The following TNRC6C variants were observed in gnomAD, a reference collection of about 807,000 sequenced individuals.
TNRC6C encodes trinucleotide repeat-containing gene 6C protein.
A neutral mutation model predicts 153.7 loss-of-function variants in TNRC6C; 20 were observed. That is an observed-to-expected ratio of 0.13 (90% CI 0.09 to 0.19). The LOEUF (loss-of-function observed/expected upper bound fraction) is 0.19, where lower values mean the gene tolerates loss of function less well. TNRC6C is among the 10% of genes least tolerant of loss of function. TNRC6C has a pLI of 1.00. For missense variants in TNRC6C, 1,987 were observed against 2,172.0 expected (o/e 0.91, Z 1.69); for synonymous variants, 811 against 841.4 (o/e 0.96, Z 0.63).
chr17:78,011,195 T>C (rs1567913667), intron 1 of TNRC6C, among the ~76,000 whole-genome samples: 1 of 152,224 alleles, frequency 6.6e-6, no homozygotes, highest in Non-Finnish European at 1.5e-5. Context: ...ACAACTTTAT[T>C]GAGTTATTGT....
At chr17:78,055,255 C>A (rs913215761) in intron 3 of TNRC6C, among the ~76,000 whole-genome samples, 4 of 152,118 alleles carry the variant, frequency 2.6e-5, no homozygotes, top group Non-Finnish European at 5.9e-5. Flanking sequence ...AACTAAGACA[C>A]AAACGCACAC....
exon 3 of TNRC6C, chr17:78,050,795 A>C (rs1374316475): frequency 5.6e-6 from 9 of 1,610,970 alleles, no homozygotes; most frequent in Non-Finnish European, 7.6e-6. Context: ...CCAAAGCCCA[A>C]ATCCCAACAC....
At chr17:78,059,569 C>G (rs528067063) in intron 3 of TNRC6C, among the ~76,000 whole-genome samples, 1 of 152,120 alleles carries the variant, frequency 6.6e-6, no homozygotes, top group South Asian at 2.1e-4. Flanking sequence ...AGTGTGAGGC[C>G]GGACACAGTG....
At chr17:77,982,776 A>T (rs531582887) in intron 1 of TNRC6C, among the ~76,000 whole-genome samples, 2 of 152,346 alleles carry the variant, frequency 1.3e-5, no homozygotes, top group South Asian at 4.2e-4. Flanking sequence ...GGTTGCAGTG[A>T]GCCGAGATTG....
chr17:78,009,507 A>G (rs1351598845), intron 1 of TNRC6C, among the ~76,000 whole-genome samples: 1 of 152,184 alleles, frequency 6.6e-6, no homozygotes, highest in Non-Finnish European at 1.5e-5. Flanking sequence ...TATGAAAGTG[A>G]ATACCTTCAT....
intron 7 of TNRC6C, among the ~76,000 whole-genome samples, 194 bp downstream of exon 9, chr17:78,073,288 A>C (rs2073029521): frequency 6.6e-6 from 1 of 152,240 alleles, no homozygotes; most frequent in African/African-American, 2.4e-5. Context: ...TTTGGAGGTG[A>C]ATCGCCAATG....
chr17:78,050,632 G>A (rs748798503), exon 3 of TNRC6C: 4 of 1,571,486 alleles, frequency 2.5e-6, no homozygotes, highest in Admixed American at 1.8e-5. Flanking sequence ...CACAGGTTGG[G>A]GAGACAGCAA....
intron 8 of TNRC6C, among the ~76,000 whole-genome samples, chr17:78,076,351 G>A (rs2144355660): frequency 6.6e-6 from 1 of 152,312 alleles, no homozygotes; most frequent in Non-Finnish European, 1.5e-5. Flanking sequence ...AGCCCAGGGT[G>A]AGGCTCACGT....
intron 1 of TNRC6C, among the ~76,000 whole-genome samples, chr17:78,029,713 G>C (rs1253361459): frequency 6.6e-6 from 1 of 151,936 alleles, no homozygotes; most frequent in Non-Finnish European, 1.5e-5. Flanking sequence ...TTGCACAGCT[G>C]TACAAAAAAT....
chr17:78,099,466 T>C (rs941246262), intron 17 of TNRC6C, among the ~76,000 whole-genome samples: 13 of 152,182 alleles, frequency 8.5e-5, no homozygotes, highest in South Asian at 2.1e-4. Context: ...GTGAAAGGCA[T>C]GTCTCACATG....
At chr17:78,037,964 TG>T (rs2072212340) in intron 2 of TNRC6C, among the ~76,000 whole-genome samples, 1 of 152,110 alleles carries the variant, frequency 6.6e-6, no homozygotes, top group Non-Finnish European at 1.5e-5. Flanking sequence ...CCAGGAACTA[TG>T]ATATAAAGAG....
intron 2 of TNRC6C, among the ~76,000 whole-genome samples, chr17:78,033,937 A>G (rs2072126532): frequency 6.6e-6 from 1 of 152,156 alleles, no homozygotes; most frequent in Non-Finnish European, 1.5e-5. Flanking sequence ...TCCCCTCACA[A>G]ACCTGCCGTG....
At chr17:78,036,298 A>T (rs551010538) in intron 2 of TNRC6C, among the ~76,000 whole-genome samples, 1 of 152,286 alleles carries the variant, frequency 6.6e-6, no homozygotes, top group African/African-American at 2.4e-5. Flanking sequence ...GAATTGACGG[A>T]GTTTGAGTCA....
At chr17:78,090,841 G>A (rs930728156) in intron 13 of TNRC6C, among the ~76,000 whole-genome samples, 1 of 152,176 alleles carries the variant, frequency 6.6e-6, no homozygotes, top group Non-Finnish European at 1.5e-5. Context: ...GCAGACTTTT[G>A]TAAAGGAAAC....
chr17:77,967,872 C>T (rs757109431), intron 1 of TNRC6C, among the ~76,000 whole-genome samples: 1 of 152,114 alleles, frequency 6.6e-6, no homozygotes, highest in Admixed American at 6.5e-5. Context: ...ACTTATATCC[C>T]GCCCTCCTTT....
chr17:78,077,816 T>C, intron 9 of TNRC6C: 1 of 171,736 alleles, frequency 5.8e-6, no homozygotes, highest in Admixed American at 5.8e-5. Flanking sequence ...TTTCCAGGCT[T>C]CAAAAGTCTG....
At chr17:78,022,414 T>A (rs776736912) in intron 1 of TNRC6C, among the ~76,000 whole-genome samples, 3 of 152,250 alleles carry the variant, frequency 2.0e-5, no homozygotes, top group Non-Finnish European at 4.4e-5. Context: ...TTTGCTTACT[T>A]CTTCCTTTCT....
rs1046598635 is a variant in TNRC6C at position 78,055,706 on chromosome 17, G to T, written c.2395+4249G>T. ...CCTGGAAGAGTTCAGGCTACAGAGG[G>T]CCCTATGCCTGGCACTGGAGTCGTG... On this transcript the variant is annotated intron_variant, in intron 3 of 19. Transcript: ENST00000301624. 1.5e-4 allele frequency among the ~76,000 whole-genome samples: 23 copies of T among 152,306 alleles called. No homozygotes were observed. The East Asian group carries it at 3.3e-3, about 22-fold the overall frequency.
chr17:78,074,753 C>G (rs564608342), intron 7 of TNRC6C, among the ~76,000 whole-genome samples: 2 of 152,200 alleles, frequency 1.3e-5, no homozygotes, highest in Non-Finnish European at 2.9e-5. Context: ...AACCACTGAG[C>G]CCACCCGAAA....
Sources: gnomAD v4.1 joint callset for allele counts (sites outside exome capture counted in the v4.1 genomes callset) on GRCh38, gnomAD v4.1.1 for gene constraint, MANE v1.5 for transcripts, NCBI Gene and HGNC (gene_info 2026-07-23, HGNC 2026-07-21) for gene names.